Variants in LRP5 observed in about 807,000 individuals in gnomAD.
LRP5 encodes the protein low-density lipoprotein receptor-related protein 5.
A neutral mutation model predicts 154.1 loss-of-function variants in LRP5; 62 were observed. That is an observed-to-expected ratio of 0.40 (90% CI 0.33 to 0.50). LRP5 has a LOEUF of 0.50. Among genes scored for constraint, LRP5 ranks in the 20% least tolerant of loss-of-function variants. LRP5 has a pLI of 0.55. For missense variants in LRP5, 1,915 were observed against 2,336.7 expected, an observed-to-expected ratio of 0.82 and a Z score of 3.72; for synonymous variants, 966 against 1,011.5, an observed-to-expected ratio of 0.96 and a Z score of 0.85.
At chr11:68,434,056 C>T (rs2153178902) in intron 18 of LRP5, among the ~76,000 whole-genome samples, 1 of 152,348 alleles carries the variant, frequency 6.6e-6, no homozygotes, top group South Asian at 2.1e-4. Flanking sequence ...CTGTGAGGGT[C>T]TATCTCACCT....
rs58477287 is a variant in LRP5 at position 68,344,849 on chromosome 11, CTTTTTTTTTTTTT to C, written c.92-2980_92-2968del. Among the ~76,000 whole-genome samples the C allele has an allele frequency of 1.4e-3, 91 of 65,568 alleles. 1 individual carries two copies. The highest frequency in any genetic ancestry group is 1.9e-3 in the South Asian group (4 of 2,138). The allele number at this position is 65,568 out of a possible 152,430, so 43.0% of individuals were successfully genotyped here. On this transcript the variant is annotated intron_variant, in intron 1 of 22. Coordinates refer to ENST00000294304, the MANE Select transcript of LRP5 (RefSeq NM_002335.4). Reference sequence around the variant, plus strand: ...TTGTAGCATGTGTCAGAATCTCTCTCTTTTTTTTTTTTTTTTTTTTTTTTTTTTTTGCAGACAG... The same window carrying C: ...TTGTAGCATGTGTCAGAATCTCTCTCTTTTTTTTTTTTTTTTTGCAGACAG...
At chr11:68,385,805 C>T (rs970914990) in intron 5 of LRP5, among the ~76,000 whole-genome samples, 16 of 151,888 alleles carry the variant, frequency 1.1e-4, no homozygotes, top group East Asian at 3.9e-4. Flanking sequence ...AAGCCGCCCT[C>T]GGGTGGTGGA....
intron 7 of LRP5, among the ~76,000 whole-genome samples, chr11:68,397,430 C>T (rs188938100): frequency 6.6e-6 from 1 of 152,324 alleles, no homozygotes; most frequent in African/African-American, 2.4e-5. Flanking sequence ...CTCTCCCGAA[C>T]CCCAGCCCCA....
At chr11:68,368,847 CTTTTTTTTTT>C (rs1158183018) in intron 5 of LRP5, among the ~76,000 whole-genome samples, 11 of 132,206 alleles carry the variant, frequency 8.3e-5, no homozygotes, top group African/African-American at 3.2e-4. Context: ...TGAAGGATAT[CTTTTTTTTTT>C]TTTTTTTTTG....
rs200728516 is a variant in LRP5, at chr11:68,357,693, C to T, written c.532C>T (p.Arg178Trp). 29 of 1,614,082 alleles carry T rather than the reference C, an allele frequency of 1.8e-5. No homozygotes were observed. Among genetic ancestry groups the T allele is most frequent in the South Asian group, 1.2e-4 (11 of 91,042 alleles). ...CTGGGGTGAGACGCCCCGGATTGAG[C>T]GGGCAGGGATGGATGGCAGCACCCG... ...TDWGETPRIE[R>W]AGMDGSTRKI... The change falls in exon 3 of 23, where the codon CGG (arginine) becomes TGG (tryptophan). Residue 178 changes from arginine (R) to tryptophan (W), a missense_variant. This residue lies in a region of LRP5 where 773 missense variants were observed against 1,100.9 expected (regional missense o/e 0.70). Coordinates refer to ENST00000294304, the MANE Select transcript of LRP5 (RefSeq NM_002335.4).
chr11:68,346,215 G>T (rs2098612783), intron 1 of LRP5, among the ~76,000 whole-genome samples: 1 of 152,234 alleles, frequency 6.6e-6, no homozygotes, highest in African/African-American at 2.4e-5. Context: ...ATGCCTTCCT[G>T]TTGTTTGACT....
At chr11:68,339,432 C>T (rs775345885) in intron 1 of LRP5, among the ~76,000 whole-genome samples, 1 of 152,180 alleles carries the variant, frequency 6.6e-6, no homozygotes, top group South Asian at 2.1e-4. Context: ...ACTGCAACCT[C>T]TGTTTCCCAG....
chr11:68,344,475 C>T (rs1364068373), intron 1 of LRP5, among the ~76,000 whole-genome samples: 1 of 298 alleles, frequency 3.4e-3, no homozygotes, highest in Non-Finnish European at 8.3e-3. Context: ...TGAGCCACCA[C>T]GCCCCAGCTA....
intron 4 of LRP5, among the ~76,000 whole-genome samples, chr11:68,364,201 G>C (rs2098629635): frequency 6.6e-6 from 1 of 151,896 alleles, no homozygotes; most frequent in South Asian, 2.1e-4. Flanking sequence ...GCTCATGGGG[G>C]CTATTTCAGG....
At chr11:68,315,645 T>C (rs1277030901) in intron 1 of LRP5, among the ~76,000 whole-genome samples, 1 of 152,230 alleles carries the variant, frequency 6.6e-6, no homozygotes, top group Non-Finnish European at 1.5e-5. Flanking sequence ...CCGAGTGAAG[T>C]GCTAGGGTTG....
chr11:68,303,600 T>C, the LRP5 span, among the ~76,000 whole-genome samples: 11 of 151,946 alleles, frequency 7.2e-5, no homozygotes, highest in African/African-American at 2.4e-4. Context: ...TTCAAGTAAT[T>C]CTCCTGCCTC....
rs760894187 is a variant in LRP5 at position 68,446,425 on chromosome 11, GCT to G, written c.4489-7_4489-6del. ...CGAGGCTCTAAGTCACCCTGGCTTG[GCT>G]CTCCTCAGATCCTGAACCCGCCGCC... On this transcript the variant is annotated splice_polypyrimidine_tract_variant and intron_variant, in intron 21 of 22. Coordinates refer to ENST00000294304, the MANE Select transcript of LRP5 (RefSeq NM_002335.4). 6.3e-7 allele frequency: 1 copy of G among 1,593,848 alleles called. No individual in the cohort carries two copies. Among genetic ancestry groups the G allele is most frequent in the Non-Finnish European group, 8.6e-7 (1 of 1,161,714 alleles).
chr11:68,422,903 C>A (rs1310899976), intron 13 of LRP5, among the ~76,000 whole-genome samples: 3 of 151,820 alleles, frequency 2.0e-5, no homozygotes, highest in African/African-American at 7.3e-5. Flanking sequence ...TAACCCCCAC[C>A]CTCACCTGCC....
chr11:68,416,545 A>T lies in LRP5; in HGVS notation c.3027+18A>T. On this transcript the variant is annotated intron_variant, in intron 13 of 22. Transcript: ENST00000294304. ...GGACCCAGGCAGGTGCCCTGTGGGA[A>T]GGGTGCGGGGTGTGCTTCCCAAGGC... 4.3e-6 allele frequency: 7 copies of T among 1,613,374 alleles called. No homozygotes were observed. Among genetic ancestry groups the T allele is most frequent in the Non-Finnish European group, 5.9e-6 (7 of 1,179,656 alleles).
At position 68,411,515 on chromosome 11, in the gene LRP5, G is replaced by A; in HGVS notation, c.2398G>A (p.Val800Met). Residue 800 changes from valine (V) to methionine (M), a missense_variant, in exon 11 of 23, where the codon GTG (valine) becomes ATG (methionine). By Grantham distance (21) the Val-to-Met change is conservative. This residue lies in a region of LRP5 where 1,094 missense variants were observed against 1,210.1 expected (regional missense o/e 0.90). Transcript: ENST00000294304. ...FMDGTNCMTL[V>M]DKVGRANDLT... ...GGACGGGACCAACTGCATGACGCTGGTGGACAAGGTGGGCCGGGCCAACGA... is the reference window on the plus strand; with the variant it reads ...GGACGGGACCAACTGCATGACGCTGATGGACAAGGTGGGCCGGGCCAACGA... The A allele has an allele frequency of 6.2e-7, 1 of 1,613,770 alleles. No individual in the cohort carries two copies. Among genetic ancestry groups the A allele is most frequent in the Non-Finnish European group, 8.5e-7 (1 of 1,180,042 alleles).
In LRP5 at chr11:68,353,029, G is replaced by C. The variant is rs984642576; in HGVS notation, c.489-4621G>C. Among the ~76,000 whole-genome samples the C allele has an allele frequency of 1.3e-5, 2 of 152,174 alleles. No homozygotes were observed. The highest frequency in any genetic ancestry group is 4.8e-5 in the African/African-American group (2 of 41,438). On this transcript the variant is annotated intron_variant, in intron 2 of 22. Transcript: ENST00000294304. The surrounding 1 kb of genome is among the most constrained non-coding windows in gnomAD (Gnocchi z 4.5). ...TTGGTTGGGAGGTACTTGGTGCTTGGTTGGGAGATGCTGGGCCCTTGGTTG... is the reference window on the plus strand; with the variant it reads ...TTGGTTGGGAGGTACTTGGTGCTTGCTTGGGAGATGCTGGGCCCTTGGTTG...
chr11:68,428,629 G>A (rs1414934411), intron 16 of LRP5, among the ~76,000 whole-genome samples: 1 of 151,334 alleles, frequency 6.6e-6, no homozygotes, highest in Non-Finnish European at 1.5e-5. Flanking sequence ...TTTGTCATTG[G>A]GTTTAGGGCC....
chr11:68,400,136 GCT>G (rs2098651840), intron 7 of LRP5, among the ~76,000 whole-genome samples: 1 of 152,160 alleles, frequency 6.6e-6, no homozygotes, highest in Non-Finnish European at 1.5e-5. Context: ...GCTTGCCGAG[GCT>G]ACAGCCAGCC....
At chr11:68,364,057 T>TG (rs1210544463) in intron 4 of LRP5, 114 bp downstream of exon 4, 2 of 13,708 alleles carry the variant, frequency 1.5e-4, no homozygotes, top group East Asian at 2.5e-3. Context: ...GTGGGTGGGG[T>TG]GGGGGGGCAG....
Sources: gnomAD v4.1 joint callset for allele counts (sites outside exome capture counted in the v4.1 genomes callset) on GRCh38, gnomAD v4.1.1 for gene constraint, gnomAD v4.1.1 regional missense constraint, Gnocchi (gnomAD v3.1) non-coding constraint, MANE v1.5 for transcripts, NCBI Gene and HGNC (gene_info 2026-07-23, HGNC 2026-07-21) for gene names.